The following SLC14A2 variants were observed in gnomAD, a reference collection of about 807,000 sequenced individuals.
The protein encoded by SLC14A2 is urea transporter 2.
In SLC14A2, 91 loss-of-function variants were observed where a neutral mutation model predicts 104.6. The ratio of observed to expected loss-of-function variants is 0.87; its 90% CI spans 0.73 to 1.04. The LOEUF (loss-of-function observed/expected upper bound fraction) is 1.04. Among genes scored for constraint, SLC14A2 ranks in the 50% least tolerant of loss-of-function variants. The pLI is 0.00. For missense variants in SLC14A2, 1,189 were observed against 1,156.0 expected (o/e 1.03, Z -0.41); for synonymous variants, 476 against 466.4 (o/e 1.02, Z -0.27).
chr18:45,535,170 G>C (rs773496136), intron 2 of SLC14A2, among the ~76,000 whole-genome samples: 3 of 152,104 alleles, frequency 2.0e-5, no homozygotes, highest in Non-Finnish European at 4.4e-5. Context: ...CTAGTCAGTC[G>C]CGTCTGGTGA....
chr18:45,457,491 A>C (rs2086964767), intron 1 of SLC14A2, among the ~76,000 whole-genome samples: 1 of 152,302 alleles, frequency 6.6e-6, no homozygotes, highest in South Asian at 2.1e-4. Flanking sequence ...TAGCTCGGGT[A>C]GCAAAGGGAG....
At chr18:45,567,232 C>A (rs557087270) in intron 2 of SLC14A2, among the ~76,000 whole-genome samples, 73 of 152,174 alleles carry the variant, frequency 4.8e-4, no homozygotes, top group Non-Finnish European at 9.0e-4. Context: ...CAACGCCCAC[C>A]CCCACCATCC....
intron 2 of SLC14A2, among the ~76,000 whole-genome samples, chr18:45,506,268 C>T (rs1217316198): frequency 1.3e-5 from 2 of 152,166 alleles, no homozygotes; most frequent in African/African-American, 2.4e-5. Flanking sequence ...ACCCAACCTT[C>T]TTCTCCCCAT....
the SLC14A2 span, among the ~76,000 whole-genome samples, chr18:45,200,170 G>T: frequency 6.6e-6 from 1 of 152,066 alleles, no homozygotes; most frequent in Non-Finnish European, 1.5e-5. Flanking sequence ...TTGGGGGAAA[G>T]ATTATACATG....
chr18:45,240,091 C>CTT (rs763802776), intron 1 of SLC14A2, among the ~76,000 whole-genome samples: 2,045 of 89,570 alleles, frequency 0.023, 7 homozygotes, highest in East Asian at 0.029. Flanking sequence ...GCAAATATCT[C>CTT]TTTTTTTTTT....
chr18:45,252,684 T>C (rs1376533320), intron 1 of SLC14A2, among the ~76,000 whole-genome samples: 2 of 152,112 alleles, frequency 1.3e-5, no homozygotes, highest in African/African-American at 2.4e-5. Flanking sequence ...TGTTCAAACT[T>C]GAGAAAGCTC....
At chr18:45,196,237 G>A in the SLC14A2 span, among the ~76,000 whole-genome samples, 1 of 152,180 alleles carries the variant, frequency 6.6e-6, no homozygotes, top group African/African-American at 2.4e-5. Context: ...AGGTAAGGGG[G>A]CAGTTTTATG....
chr18:45,369,260 T>C (rs956436205), intron 1 of SLC14A2, among the ~76,000 whole-genome samples: 5 of 152,210 alleles, frequency 3.3e-5, no homozygotes, highest in African/African-American at 1.2e-4. Flanking sequence ...CACATCCATC[T>C]TTCTTTTCCC....
intron 1 of SLC14A2, among the ~76,000 whole-genome samples, chr18:45,379,863 A>T (rs1405040834): frequency 6.6e-6 from 1 of 152,220 alleles, no homozygotes; most frequent in African/African-American, 2.4e-5. Flanking sequence ...CTGTAGAGGT[A>T]TGGTTGATAA....
intron 1 of SLC14A2, among the ~76,000 whole-genome samples, chr18:45,231,241 C>T (rs530709840): frequency 3.6e-4 from 55 of 151,934 alleles, no homozygotes; most frequent in Non-Finnish European, 7.1e-4. Flanking sequence ...CTTGTTGTAT[C>T]ACCCAGGCTA....
At chr18:45,332,995 C>A (rs1014447193) in intron 1 of SLC14A2, among the ~76,000 whole-genome samples, 1 of 152,148 alleles carries the variant, frequency 6.6e-6, no homozygotes, top group African/African-American at 2.4e-5. Flanking sequence ...AAAAATGCAG[C>A]TGGGGTAAAT....
At chr18:45,210,823 G>A (rs975202649), upstream of SLC14A2, among the ~76,000 whole-genome samples, 5 of 152,126 alleles carry the variant, frequency 3.3e-5, no homozygotes, top group Admixed American at 2.0e-4. Context: ...TGAGCATAAC[G>A]TGATATAGAA....
intron 2 of SLC14A2, among the ~76,000 whole-genome samples, chr18:45,558,065 A>T (rs1286201315): frequency 1.3e-5 from 2 of 152,120 alleles, no homozygotes; most frequent in Non-Finnish European, 2.9e-5. Context: ...CTCTCAGATC[A>T]TTCCAATTCC....
At chr18:45,571,660 C>T (rs574853530) in intron 2 of SLC14A2, among the ~76,000 whole-genome samples, 10 of 152,342 alleles carry the variant, frequency 6.6e-5, no homozygotes, top group African/African-American at 9.6e-5. Context: ...CTCCGCTCAA[C>T]GGGGCCCACA....
Position 45,682,735 on chromosome 18 carries a change from G to A in SLC14A2, c.*216G>A. The A allele has an allele frequency of 3.8e-6, 2 of 522,510 alleles. No individual in the cohort carries two copies. The highest frequency in any genetic ancestry group is 6.9e-6 in the Non-Finnish European group (2 of 288,434). The allele number at this position is 522,510 out of a possible 1,614,324, so 32.4% of individuals were successfully genotyped here. A position where few individuals can be genotyped will look rare whatever the true frequency, so the allele number is the denominator to read the frequency against. On this transcript the variant is annotated 3_prime_UTR_variant, in exon 20 of 20. Coordinates refer to ENST00000255226, the MANE Select transcript of SLC14A2 (RefSeq NM_007163.4). ...GTTTAGTTTAGACTTTATACCCTTA[G>A]CTTTCCCATAAGAGCTCCCTTTGTG...
chr18:45,531,492 T>C (rs2043686549), intron 2 of SLC14A2, among the ~76,000 whole-genome samples: 1 of 152,246 alleles, frequency 6.6e-6, no homozygotes, highest in Non-Finnish European at 1.5e-5. Flanking sequence ...GCTGCATAAA[T>C]GTCTTCTTTT....
chr18:45,606,225 C>T (rs959383842), intron 2 of SLC14A2, among the ~76,000 whole-genome samples: 1 of 152,144 alleles, frequency 6.6e-6, no homozygotes, highest in African/African-American at 2.4e-5. Flanking sequence ...CTAATTATTC[C>T]ATCCCTCCCC....
chr18:45,564,669 G>T (rs535061555), intron 2 of SLC14A2, among the ~76,000 whole-genome samples: 1 of 152,346 alleles, frequency 6.6e-6, no homozygotes, highest in Admixed American at 6.5e-5. Context: ...GGTTTTAAGA[G>T]ATTATAGTTG....
At chr18:45,182,497 T>A in the SLC14A2 span, among the ~76,000 whole-genome samples, 4 of 151,986 alleles carry the variant, frequency 2.6e-5, no homozygotes, top group Non-Finnish European at 4.4e-5. Context: ...ATTCTCATGT[T>A]TTACCAGAGC....
Sources: gnomAD v4.1 joint callset for allele counts (sites outside exome capture counted in the v4.1 genomes callset) on GRCh38, gnomAD v4.1.1 for gene constraint, MANE v1.5 for transcripts, NCBI Gene and HGNC (gene_info 2026-07-23, HGNC 2026-07-21) for gene names.